Variants in F13A1 observed in about 807,000 individuals in gnomAD.
The protein encoded by F13A1 is coagulation factor XIII A chain.
F13A1 carries 47 observed loss-of-function variants against 80.1 expected under a neutral mutation model. The observed-to-expected ratio is 0.59, with a 90% CI of 0.46 to 0.75. The LOEUF (loss-of-function observed/expected upper bound fraction) is 0.75. F13A1 is among the 30% of genes least tolerant of loss of function. The pLI is 0.00. For missense variants in F13A1, 817 were observed against 930.4 expected (o/e 0.88, Z 1.59); for synonymous variants, 349 against 344.9 (o/e 1.01, Z -0.13).
At chr6:6,230,193 G>T (rs1307116149) in intron 6 of F13A1, among the ~76,000 whole-genome samples, 3 of 152,100 alleles carry the variant, frequency 2.0e-5, no homozygotes, top group Non-Finnish European at 4.4e-5. Flanking sequence ...GGTAGACCGG[G>T]TCAGGTTTTC....
At position 6,165,288 on chromosome 6, in the gene F13A1, T is replaced by A. The variant is rs531608278; in HGVS notation, c.1908+2170A>T. The stretch of plus-strand genomic sequence containing the variant: ...TGCCCAGGTCTGCTAACTTGTGGGA[T>A]AAGGTATTCTGATTGTGCCCTGGGG... On this transcript the variant is annotated intron_variant, in intron 13 of 14. Coordinates refer to ENST00000264870, the MANE Select transcript of F13A1 (RefSeq NM_000129.4). 5.3e-5 allele frequency among the ~76,000 whole-genome samples: 8 copies of A among 152,336 alleles called. No individual in the cohort carries two copies. The South Asian group carries it at 1.7e-3, about 32-fold the overall frequency.
chr6:6,263,723 C>T (rs1269128441), intron 4 of F13A1, among the ~76,000 whole-genome samples: 1 of 152,212 alleles, frequency 6.6e-6, no homozygotes, highest in Non-Finnish European at 1.5e-5. Context: ...CTCCACTTCC[C>T]ACAGTTTTCC....
chr6:6,160,054 A>T (rs1023843901), intron 13 of F13A1, among the ~76,000 whole-genome samples: 1 of 151,912 alleles, frequency 6.6e-6, no homozygotes. Context: ...AGGTGGGTGG[A>T]TCACCTGAGG....
rs755139787 is a variant in F13A1, at chr6:6,151,973, T to G, written c.1909-24A>C. ...ACCTAAGAGAGAGAATGCAGGTCAT[T>G]AGCACCAAATAAAACCTCGTTCTGC... is the stretch of plus-strand genomic sequence containing the variant. On this transcript the variant is annotated intron_variant, in intron 13 of 14. Transcript: ENST00000264870. 4 of 1,613,612 alleles carry G rather than the reference T, an allele frequency of 2.5e-6. No homozygotes were observed. In the South Asian group the frequency reaches 4.4e-5, roughly 18 times the overall value.
chr6:6,305,447 G>A lies in F13A1; in HGVS notation c.223C>T (p.Leu75=), dbSNP rs1200131413. 1 of 1,614,108 alleles carries A rather than the reference G, an allele frequency of 6.2e-7. No individual in the cohort carries two copies. Among genetic ancestry groups the A allele is most frequent in the Non-Finnish European group, 8.5e-7 (1 of 1,180,044 alleles). The change falls in exon 3 of 15, where the codon CTG becomes TTG. Residue 75 remains leucine, a synonymous_variant. Coordinates refer to ENST00000264870, the MANE Select transcript of F13A1 (RefSeq NM_000129.4). ...HHTDKYENNK[L]IVRRGQSFYV... ...AAAGACTGCCCTCTGCGGACAATCA[G>A]CTTGTTGTTTTCATACTTGTCAGTG...
At chr6:6,270,061 C>CT (rs564859695) in intron 3 of F13A1, among the ~76,000 whole-genome samples, 139 of 152,218 alleles carry the variant, frequency 9.1e-4, no homozygotes, top group African/African-American at 3.3e-3. Flanking sequence ...TGTTGATTTG[C>CT]TTGTGTATTA....
intron 2 of F13A1, among the ~76,000 whole-genome samples, chr6:6,308,047 T>G (rs1758537923): frequency 6.6e-6 from 1 of 152,036 alleles, no homozygotes; most frequent in Admixed American, 6.6e-5. Context: ...AGAGTCTTGC[T>G]CTGTTACCCA....
At chr6:6,159,179 G>T (rs1356586107) in intron 13 of F13A1, among the ~76,000 whole-genome samples, 1 of 152,140 alleles carries the variant, frequency 6.6e-6, no homozygotes, top group Non-Finnish European at 1.5e-5. Context: ...GGGATTACAG[G>T]CTTGAGCCAC....
intron 2 of F13A1, among the ~76,000 whole-genome samples, chr6:6,316,077 GCATATATATATATATATATATATATA>G (rs1278346794): frequency 1.6e-4 from 8 of 49,650 alleles, no homozygotes; most frequent in South Asian, 1.6e-3. Context: ...ATGTGTGTGT[GCATATATATATATATATATATATATA>G]TATATATATA....
At chr6:6,158,491 C>T (rs1760515933) in intron 13 of F13A1, among the ~76,000 whole-genome samples, 1 of 152,122 alleles carries the variant, frequency 6.6e-6, no homozygotes, top group South Asian at 2.1e-4. Context: ...AACCTCCTCA[C>T]CTATAGGGTC....
intron 14 of F13A1, among the ~76,000 whole-genome samples, chr6:6,147,158 G>A (rs978049730): frequency 2.0e-5 from 3 of 152,184 alleles, no homozygotes; most frequent in African/African-American, 4.8e-5. Context: ...TGGGGACTCA[G>A]GGGAAAGGTG....
intron 6 of F13A1, among the ~76,000 whole-genome samples, chr6:6,232,032 A>C (rs1326562194): frequency 6.6e-6 from 1 of 152,126 alleles, no homozygotes; most frequent in East Asian, 1.9e-4. Flanking sequence ...AAAAGCAAAA[A>C]CAAAAAACAA....
chr6:6,195,940 A>G, intron 9 of F13A1, 55 bp from the exon 10 acceptor site: 1 of 1,487,772 alleles, frequency 6.7e-7, no homozygotes, highest in Non-Finnish European at 9.4e-7. Context: ...TTCTGTCCAG[A>G]TACTGCAAGA....
intron 10 of F13A1, among the ~76,000 whole-genome samples, chr6:6,185,582 T>C (rs1013335977): frequency 7.9e-5 from 12 of 151,968 alleles, no homozygotes; most frequent in Non-Finnish European, 1.2e-4. Context: ...TAGTATTCCA[T>C]GGTGTATATG....
chr6:6,255,209 T>C (rs1434237220), intron 4 of F13A1, among the ~76,000 whole-genome samples: 1 of 152,190 alleles, frequency 6.6e-6, no homozygotes, highest in Admixed American at 6.5e-5. Context: ...TGTTTAAGTA[T>C]TTACTTCTTA....
At chr6:6,316,078 C>CACAT (rs1758677166) in intron 2 of F13A1, among the ~76,000 whole-genome samples, 3 of 34,946 alleles carry the variant, frequency 8.6e-5, no homozygotes, top group South Asian at 1.2e-3. Flanking sequence ...TGTGTGTGTG[C>CACAT]ATATATATAT....
At position 6,292,471 on chromosome 6, in the gene F13A1, C is replaced by T. The variant is rs148371129; in HGVS notation, c.319+12880G>A. Among the ~76,000 whole-genome samples, 1,087 of 152,208 alleles carry T rather than the reference C, an allele frequency of 7.1e-3. 9 individuals carry two copies. The highest frequency in any genetic ancestry group is 0.025 in the African/African-American group (1,030 of 41,518). On this transcript the variant is annotated intron_variant, in intron 3 of 14. Coordinates refer to ENST00000264870, the MANE Select transcript of F13A1 (RefSeq NM_000129.4). Reference sequence around the variant, plus strand: ...ATGTCTACAACTGCAGCCATAACCCCGGTTCTCATCCTCTCTCTTCTGATC... The same window carrying T: ...ATGTCTACAACTGCAGCCATAACCCTGGTTCTCATCCTCTCTCTTCTGATC...
In F13A1 at chr6:6,216,240, C is replaced by G. The variant is rs1361531782; in HGVS notation, c.1112+5793G>C. ...CCAAGTCAATCCTAAGCCAAAAGAA[C>G]AAAGCTGGAGGCATCACACTACCTG... is the stretch of plus-strand genomic sequence containing the variant. On this transcript the variant is annotated intron_variant, in intron 8 of 14. Transcript: ENST00000264870. 1.3e-5 allele frequency among the ~76,000 whole-genome samples: 2 copies of G among 152,118 alleles called. 1 individual carries two copies. The highest frequency in any genetic ancestry group is 3.9e-4 in the East Asian group (2 of 5,182).
chr6:6,146,680 G>A (rs1760286457), intron 14 of F13A1, among the ~76,000 whole-genome samples: 1 of 152,142 alleles, frequency 6.6e-6, no homozygotes, highest in South Asian at 2.1e-4. Flanking sequence ...AAAATGGAAG[G>A]TAACCAGTGA....
Sources: gnomAD v4.1 joint callset for allele counts (sites outside exome capture counted in the v4.1 genomes callset) on GRCh38, gnomAD v4.1.1 for gene constraint, MANE v1.5 for transcripts, NCBI Gene and HGNC (gene_info 2026-07-23, HGNC 2026-07-21) for gene names.